The following MED23 variants were observed in gnomAD, a reference collection of about 807,000 sequenced individuals.
MED23 encodes the protein mediator of RNA polymerase II transcription subunit 23.
In MED23, 105 loss-of-function variants were observed where a neutral mutation model predicts 163.9. The ratio of observed to expected loss-of-function variants is 0.64; its 90% CI spans 0.55 to 0.75. The LOEUF is 0.75. Among genes scored for constraint, MED23 ranks in the 30% least tolerant of loss-of-function variants. The probability of loss-of-function intolerance (pLI) is 0.00; values close to 1 mark genes in which losing one functional copy is unlikely to be tolerated. For missense variants in MED23, 1,054 were observed against 1,649.0 expected, an observed-to-expected ratio of 0.64 and a Z score of 6.25; for synonymous variants, 561 against 565.6, an observed-to-expected ratio of 0.99 and a Z score of 0.12.
At chr6:131,613,116 G>A (rs1776399563) in intron 10 of MED23, among the ~76,000 whole-genome samples, 1 of 152,042 alleles carries the variant, frequency 6.6e-6, no homozygotes, top group Non-Finnish European at 1.5e-5. Context: ...ATTTCAAAGA[G>A]AAACTTACTG....
chr6:131,583,529 C>A (rs759540806), downstream of MED23: 16 of 1,604,660 alleles, frequency 1.0e-5, no homozygotes, highest in Admixed American at 1.7e-5. Flanking sequence ...AGCAAGTGTA[C>A]ACTTGACTAA....
At chr6:131,592,483 T>C in intron 24 of MED23, 23 bp from the exon 25 acceptor site, 1 of 1,604,160 alleles carries the variant, frequency 6.2e-7, no homozygotes, top group Non-Finnish European at 8.5e-7. Context: ...AAAAAGAATG[T>C]AAGTATGAAT....
intron 30 of MED23, chr6:131,581,469 T>C: frequency 7.2e-7 from 1 of 1,390,220 alleles, no homozygotes. Context: ...CATGTTATCT[T>C]ATTCTTGGTG....
intron 21 of MED23, 119 bp downstream of exon 21, chr6:131,596,399 A>T: frequency 8.4e-7 from 1 of 1,183,600 alleles, no homozygotes; most frequent in Non-Finnish European, 1.2e-6. Context: ...GAGCTAACTT[A>T]CTTCTATATA....
chr6:131,612,890 C>G (rs556483268), intron 10 of MED23, among the ~76,000 whole-genome samples: 1 of 152,152 alleles, frequency 6.6e-6, no homozygotes, highest in Admixed American at 6.5e-5. Context: ...TGGTACTTGA[C>G]GCTTTTCATG....
chr6:131,589,126 C>A (rs1014830120), intron 28 of MED23, among the ~76,000 whole-genome samples: 1 of 152,144 alleles, frequency 6.6e-6, no homozygotes, highest in Non-Finnish European at 1.5e-5. Flanking sequence ...CTCCTTTACT[C>A]ATAACACAAC....
At chr6:131,594,833 C>G (rs199915633) in intron 22 of MED23, among the ~76,000 whole-genome samples, 1 of 72,080 alleles carries the variant, frequency 1.4e-5, no homozygotes, top group East Asian at 7.3e-4. Flanking sequence ...AACAAACAAA[C>G]AAACAAAACC....
In MED23 at chr6:131,587,192, A is replaced by T; in HGVS notation, c.*487T>A. 1 of 1,120,106 alleles carries T rather than the reference A, an allele frequency of 8.9e-7. No individual in the cohort carries two copies. Among genetic ancestry groups the T allele is most frequent in the Non-Finnish European group, 1.1e-6 (1 of 900,682 alleles). 69.4% of individuals were successfully genotyped at this position (1,120,106 alleles called of 1,614,324 possible). Reference sequence around the variant, plus strand: ...CTTGTTTGCTCCTACAATGCAACAAAATCTAGATTCCTTTTCTTGATATAA... The same window carrying T: ...CTTGTTTGCTCCTACAATGCAACAATATCTAGATTCCTTTTCTTGATATAA... On this transcript the variant is annotated 3_prime_UTR_variant, in exon 29 of 29. Coordinates refer to ENST00000368068, the MANE Select transcript of MED23 (RefSeq NM_004830.4).
Position 131,598,334 on chromosome 6 carries a change from C to A in MED23, c.2560G>T (p.Val854Leu). ...NKCIEILNDM[V>L]WKYNIVTLDR... Reference sequence around the variant, plus strand: ...AGTGTAACAATGTTATACTTCCATACCATGTCATTAAGAATTTCAATGCAT... The same window carrying A: ...AGTGTAACAATGTTATACTTCCATAACATGTCATTAAGAATTTCAATGCAT... Residue 854 changes from valine to leucine, a missense_variant, in exon 20 of 29, where the codon GTA (valine) becomes TTA (leucine). Transcript: ENST00000368068. The surrounding 1 kb of genome is among the most constrained non-coding windows in gnomAD (Gnocchi z 4.7). The A allele has an allele frequency of 6.2e-7, 1 of 1,614,082 alleles. No individual in the cohort carries two copies. Among genetic ancestry groups the A allele is most frequent in the South Asian group, 1.1e-5 (1 of 91,078 alleles).
At chr6:131,618,669 G>A in intron 8 of MED23, 150 bp from the exon 9 acceptor site, 2 of 631,562 alleles carry the variant, frequency 3.2e-6, no homozygotes, top group Middle Eastern at 5.4e-4. Context: ...ACTGAAGGTT[G>A]GGAATTTTAT....
chr6:131,627,329 G>GAAAAAAA (rs60163644), intron 3 of MED23, 67 bp downstream of exon 3: 318 of 874,758 alleles, frequency 3.6e-4, no homozygotes, highest in East Asian at 8.0e-4. Flanking sequence ...AATGTTAAAA[G>GAAAAAAA]AAAAAAAAAA....
At chr6:131,591,903 C>T (rs1043159965) in intron 25 of MED23, 7 of 238,176 alleles carry the variant, frequency 2.9e-5, no homozygotes, top group South Asian at 2.0e-4. Flanking sequence ...TCAGGGAAGG[C>T]TTCATTCACT....
chr6:131,592,327 G>A, intron 25 of MED23, 61 bp downstream of exon 25: 4 of 1,447,132 alleles, frequency 2.8e-6, no homozygotes, highest in Non-Finnish European at 3.9e-6. Flanking sequence ...TTTTCTTTTT[G>A]CTGACATGGA....
chr6:131,627,430 C>A lies in MED23; in HGVS notation c.125G>T (p.Gly42Val), dbSNP rs556945974. 6.2e-6 allele frequency: 10 copies of A among 1,613,286 alleles called. No individual in the cohort carries two copies. The South Asian group carries it at 9.9e-5, about 16-fold the overall frequency. The change falls in exon 3 of 29, where the codon GGG becomes GTG. Residue 42 changes from glycine (G) to valine (V), a missense_variant. Coordinates refer to ENST00000368068, the MANE Select transcript of MED23 (RefSeq NM_004830.4). Reference sequence around the variant, plus strand: ...ACCACCCCAAAACTGTCTGAAGGCCCCCAAACAGCTAATTAGTTTTGTTTT... The same window carrying A: ...ACCACCCCAAAACTGTCTGAAGGCCACCAAACAGCTAATTAGTTTTGTTTT... ...DEKTKLISCL[G>V]AFRQFWGGLS...
intron 30 of MED23, chr6:131,579,023 T>C (rs1472172701): frequency 4.9e-6 from 7 of 1,434,700 alleles, no homozygotes; most frequent in Non-Finnish European, 5.8e-6. Flanking sequence ...TGTGAATATA[T>C]GCCTATTTTA....
At chr6:131,593,226 T>G in intron 23 of MED23, 55 bp from the exon 24 acceptor site, 1 of 1,605,300 alleles carries the variant, frequency 6.2e-7, no homozygotes, top group Non-Finnish European at 8.5e-7. Context: ...TGTCAATTTA[T>G]CTGATTATGA....
chr6:131,628,110 T>A lies in MED23; in HGVS notation c.-61A>T, dbSNP rs1163384170. 2 of 1,586,914 alleles carry A rather than the reference T, an allele frequency of 1.3e-6. No homozygotes were observed. Among genetic ancestry groups the A allele is most frequent in the African/African-American group, 1.3e-5 (1 of 74,376 alleles). On this transcript the variant is annotated 5_prime_UTR_variant, in exon 1 of 29. Coordinates refer to ENST00000368068, the MANE Select transcript of MED23 (RefSeq NM_004830.4). The stretch of plus-strand genomic sequence containing the variant: ...CAAGGCCCGGATCAGACTCGAGCTC[T>A]GGGAATATAGGGGCAGAGGGGCGGA...
chr6:131,587,980 T>C, intron 28 of MED23, 134 bp from the exon 29 acceptor site: 1 of 739,192 alleles, frequency 1.4e-6, no homozygotes, highest in Admixed American at 2.2e-5. Flanking sequence ...TTTCTTAACA[T>C]GTTCTGTGTT....
rs376349834 is a variant in MED23, at chr6:131,627,960, C to T, written c.39+51G>A. 26 of 1,612,330 alleles carry T rather than the reference C, an allele frequency of 1.6e-5. No individual in the cohort carries two copies. The African/African-American group carries it at 2.9e-4, about 18-fold the overall frequency. On this transcript the variant is annotated intron_variant, in intron 1 of 28. Coordinates refer to ENST00000368068, the MANE Select transcript of MED23 (RefSeq NM_004830.4). ...CAGTTTCCTTGGTCGGCTGCCCCCG[C>T]GTCTCCCCGTCCCCAAGCCGTAGTC...
Sources: gnomAD v4.1 joint callset for allele counts (sites outside exome capture counted in the v4.1 genomes callset) on GRCh38, gnomAD v4.1.1 for gene constraint, Gnocchi (gnomAD v3.1) non-coding constraint, MANE v1.5 for transcripts, NCBI Gene and HGNC (gene_info 2026-07-23, HGNC 2026-07-21) for gene names.